Variants in DIAPH2 observed in about 807,000 individuals in gnomAD.
DIAPH2 encodes diaphanous related formin 2.
In DIAPH2, 35 loss-of-function variants were observed where a neutral mutation model predicts 92.7. The ratio of observed to expected loss-of-function variants is 0.38; its 90% CI spans 0.29 to 0.50. The LOEUF (loss-of-function observed/expected upper bound fraction) is 0.50, where lower values mean the gene tolerates loss of function less well. Ranked by LOEUF, DIAPH2 falls within the 20% of genes least tolerant of loss-of-function variation. The pLI is 0.94. For synonymous variants in DIAPH2, 301 were observed against 280.4 expected, an observed-to-expected ratio of 1.07 and a Z score of -0.73; for missense variants, 701 against 819.5, an observed-to-expected ratio of 0.86 and a Z score of 1.77.
chrX:96,957,931 G>A lies in DIAPH2; in HGVS notation c.1718G>A (p.Gly573Glu), dbSNP rs779682701. 3 of 1,207,354 alleles carry A rather than the reference G, an allele frequency of 2.5e-6. No homozygotes were observed. In the African/African-American group the frequency reaches 5.3e-5, roughly 21 times the overall value. The change falls in exon 16 of 27, where the codon GGA (glycine) becomes GAA (glutamate). Residue 573 changes from glycine to glutamate, a missense_variant. Physicochemically the swap from Gly to Glu is moderately conservative, Grantham distance 98. Coordinates refer to ENST00000324765, the MANE Select transcript of DIAPH2 (RefSeq NM_006729.5). ...PPPPPAPPLP[G>E]GAPLPPPPPP... ...CCACCACCCGCGCCACCTCTACCCG[G>A]AGGAGCTCCTCTTCCTCCTCCACCA...
chrX:97,379,849 G>A (rs190666455), intron 24 of DIAPH2, among the ~76,000 whole-genome samples: 291 of 111,843 alleles, frequency 2.6e-3, no homozygotes, highest in African/African-American at 9.0e-3. Flanking sequence ...TGCTTGCTTC[G>A]TGTAGACCTG....
At chrX:96,724,687 A>G (rs1424052734) in intron 1 of DIAPH2, among the ~76,000 whole-genome samples, 2 of 112,209 alleles carry the variant, frequency 1.8e-5, no homozygotes, top group African/African-American at 3.2e-5. Flanking sequence ...CGTGATCTAT[A>G]TATTGATTAT....
At chrX:96,879,604 A>T (rs748373249) in intron 4 of DIAPH2, among the ~76,000 whole-genome samples, 1 of 111,219 alleles carries the variant, frequency 9.0e-6, no homozygotes, top group South Asian at 3.9e-4. Context: ...TATGCTTTAA[A>T]TATTTACTTG....
chrX:96,972,891 G>A (rs998007786), intron 17 of DIAPH2, among the ~76,000 whole-genome samples: 1 of 111,703 alleles, frequency 9.0e-6, no homozygotes, highest in African/African-American at 3.3e-5. Context: ...TTCATTAATT[G>A]GTCAGCATTC....
chrX:96,743,476 T>C (rs757932372), intron 3 of DIAPH2, among the ~76,000 whole-genome samples: 1 of 112,046 alleles, frequency 8.9e-6, no homozygotes, highest in South Asian at 3.7e-4. Flanking sequence ...TTTCTCCACA[T>C]CCTGGTCAAC....
intron 23 of DIAPH2, among the ~76,000 whole-genome samples, chrX:97,333,568 C>CTTTTTTTTTTTTTT (rs1223807858): frequency 9.4e-6 from 1 of 106,223 alleles, no homozygotes; most frequent in African/African-American, 3.4e-5. Flanking sequence ...CTTCATATTC[C>CTTTTTTTTTTTTTT]TTTTTTTTTT....
intron 22 of DIAPH2, among the ~76,000 whole-genome samples, chrX:97,198,089 G>A (rs1313464619): frequency 1.8e-5 from 2 of 110,632 alleles, no homozygotes; most frequent in Admixed American, 1.9e-4. Context: ...AAAAGACAAG[G>A]GGAATGAATG....
chrX:96,896,318 G>A (rs2065344535), intron 5 of DIAPH2, among the ~76,000 whole-genome samples: 1 of 111,302 alleles, frequency 9.0e-6, no homozygotes, highest in Non-Finnish European at 1.9e-5. Context: ...GTTCATGAAA[G>A]GAAAATAAAA....
intron 26 of DIAPH2, among the ~76,000 whole-genome samples, chrX:97,560,656 C>G (rs1213409529): frequency 1.8e-5 from 2 of 111,836 alleles, no homozygotes; most frequent in African/African-American, 6.5e-5. Flanking sequence ...CCAGGCCCAG[C>G]TAGTTTTTGT....
chrX:97,266,266 T>G (rs1450185370), intron 23 of DIAPH2, among the ~76,000 whole-genome samples: 2 of 112,387 alleles, frequency 1.8e-5, no homozygotes, highest in Admixed American at 1.9e-4. Flanking sequence ...TAATGTATTC[T>G]TTTGATCACA....
rs547728852 is a variant in DIAPH2 at position 97,500,261 on chromosome X, A to G, written c.3241+70516A>G. ...CAGGTTGGTCTCTTGGGGCCCTTTC[A>G]CCTTCTGAGCTCTGAAAGCCTAAGA... is the stretch of plus-strand genomic sequence containing the variant. On this transcript the variant is annotated intron_variant, in intron 26 of 26. Transcript: ENST00000324765. Among the ~76,000 whole-genome samples the G allele has an allele frequency of 2.7e-5, 3 of 111,324 alleles. No individual in the cohort carries two copies. The South Asian group carries it at 1.2e-3, about 43-fold the overall frequency.
At chrX:96,996,952 T>C (rs1352285820) in intron 17 of DIAPH2, among the ~76,000 whole-genome samples, 1 of 112,291 alleles carries the variant, frequency 8.9e-6, no homozygotes, top group African/African-American at 3.2e-5. Context: ...TTCTTATTTA[T>C]AACTCTTTCC....
chrX:97,067,264 C>A (rs999078699), intron 17 of DIAPH2, among the ~76,000 whole-genome samples: 1 of 112,080 alleles, frequency 8.9e-6, no homozygotes. Flanking sequence ...TTTAATTATT[C>A]TTTTCCATAT....
chrX:97,509,644 G>A (rs1278740644), intron 26 of DIAPH2, among the ~76,000 whole-genome samples: 1 of 106,229 alleles, frequency 9.4e-6, no homozygotes, highest in East Asian at 3.0e-4. Context: ...ATCTCCTAAT[G>A]CTATCCCTCC....
chrX:97,594,092 T>A (rs745807107), intron 26 of DIAPH2, among the ~76,000 whole-genome samples: 11 of 111,543 alleles, frequency 9.9e-5, no homozygotes, highest in Admixed American at 1.9e-4. Context: ...GTAACTGTCA[T>A]GTTCCAGAAG....
At chrX:97,220,398 A>G (rs1178615709) in intron 22 of DIAPH2, among the ~76,000 whole-genome samples, 1 of 110,861 alleles carries the variant, frequency 9.0e-6, no homozygotes, top group East Asian at 2.8e-4. Context: ...GAAATCTCAG[A>G]TGACCTTTAA....
chrX:97,283,548 G>A (rs1050477492), intron 23 of DIAPH2, among the ~76,000 whole-genome samples: 2 of 112,386 alleles, frequency 1.8e-5, no homozygotes, highest in East Asian at 2.8e-4. Context: ...AGACATGAGC[G>A]TGTTAGGACT....
intron 26 of DIAPH2, among the ~76,000 whole-genome samples, chrX:97,496,466 C>G (rs1405966994): frequency 9.2e-6 from 1 of 108,532 alleles, no homozygotes; most frequent in Non-Finnish European, 1.9e-5. Flanking sequence ...TGAGCCACCA[C>G]GCCCAGCAAG....
chrX:97,416,051 C>T (rs2069942736), intron 25 of DIAPH2, among the ~76,000 whole-genome samples: 1 of 111,752 alleles, frequency 8.9e-6, no homozygotes, highest in Non-Finnish European at 1.9e-5. Context: ...AGTAAGTCTG[C>T]TAAGAGCACA....
Sources: allele counts gnomAD v4.1 joint callset (sites outside exome capture counted in the v4.1 genomes callset), GRCh38; gene constraint gnomAD v4.1.1; transcripts MANE v1.5; gene names NCBI Gene and HGNC (gene_info 2026-07-23, HGNC 2026-07-21).